The following PARD3B variants were observed in gnomAD, a reference collection of about 807,000 sequenced individuals.
PARD3B encodes the protein partitioning defective 3 homolog B.
A neutral mutation model predicts 130.2 loss-of-function variants in PARD3B; 103 were observed. The ratio of observed to expected loss-of-function variants is 0.79; its 90% confidence interval spans 0.67 to 0.93. The LOEUF (loss-of-function observed/expected upper bound fraction) is 0.93, where lower values mean the gene tolerates loss of function less well. Ranked by LOEUF, PARD3B falls within the 40% of genes least tolerant of loss-of-function variation. The pLI is 0.00. For missense variants in PARD3B, 1,609 were observed against 1,499.2 expected, an observed-to-expected ratio of 1.07 and a Z score of -1.21; for synonymous variants, 583 against 553.2, an observed-to-expected ratio of 1.05 and a Z score of -0.76.
chr2:205,132,480 C>G (rs2032092625), intron 10 of PARD3B, among the ~76,000 whole-genome samples: 1 of 152,080 alleles, frequency 6.6e-6, no homozygotes, highest in South Asian at 2.1e-4. Context: ...CACTCCTCTC[C>G]TCCCTTTTAT....
At chr2:205,382,795 T>C (rs144358716) in intron 18 of PARD3B, among the ~76,000 whole-genome samples, 6 of 152,238 alleles carry the variant, frequency 3.9e-5, no homozygotes, top group Non-Finnish European at 7.4e-5. Context: ...GCCTATCATT[T>C]ATTTTGTTGC....
rs138577813 is a variant in PARD3B, at chr2:204,817,186, G to A, written c.222+130904G>A. 4.4e-3 allele frequency among the ~76,000 whole-genome samples: 671 copies of A among 151,314 alleles called. 3 individuals carry two copies. The highest frequency in any genetic ancestry group is 7.7e-3 in the Non-Finnish European group (520 of 67,854). ...ATTCTCACATTTTTGTGAGTTCTGC[G>A]TCAGTTTTGATTGATTCCTTTATCT... is the stretch of plus-strand genomic sequence containing the variant. On this transcript the variant is annotated intron_variant, in intron 2 of 22. Transcript: ENST00000406610.
At position 205,091,639 on chromosome 2, in the gene PARD3B, A is replaced by T. The variant is rs1245502858; in HGVS notation, c.505-12787A>T. The stretch of plus-strand genomic sequence containing the variant: ...GTCAAAGATATGGGCTTGGATTAGC[A>T]GCTACATATCAGTTCTTATCTTACA... On this transcript the variant is annotated intron_variant, in intron 4 of 22. Coordinates refer to ENST00000406610, the MANE Select transcript of PARD3B (RefSeq NM_001302769.2). This position sits in a 1 kb window ranked among gnomAD's most constrained non-coding sequence, Gnocchi z 4.2. Among the ~76,000 whole-genome samples, 1 of 152,188 alleles carries T rather than the reference A, an allele frequency of 6.6e-6. No individual in the cohort carries two copies. Among genetic ancestry groups the T allele is most frequent in the African/African-American group, 2.4e-5 (1 of 41,440 alleles).
intron 2 of PARD3B, among the ~76,000 whole-genome samples, chr2:204,919,977 T>C (rs746747805): frequency 6.6e-6 from 1 of 152,164 alleles, no homozygotes; most frequent in African/African-American, 2.4e-5. Flanking sequence ...TGAATTTCTC[T>C]TGCAGAGTCT....
intron 1 of PARD3B, among the ~76,000 whole-genome samples, chr2:204,650,675 C>T (rs948846918): frequency 6.6e-6 from 1 of 152,156 alleles, no homozygotes; most frequent in African/African-American, 2.4e-5. Flanking sequence ...CATGTTCTCA[C>T]TTGTAAGTGG....
intron 4 of PARD3B, among the ~76,000 whole-genome samples, chr2:205,059,633 T>C (rs1022508359): frequency 1.3e-5 from 2 of 152,062 alleles, no homozygotes; most frequent in Admixed American, 6.6e-5. Flanking sequence ...ATGTCTCCTT[T>C]ATGAATCTAG....
Position 205,460,228 on chromosome 2 carries a change from A to G in PARD3B, c.3044+19556A>G, listed in dbSNP as rs1215945272. On this transcript the variant is annotated intron_variant, in intron 20 of 22. Transcript: ENST00000406610. This position sits in a 1 kb window ranked among gnomAD's most constrained non-coding sequence, Gnocchi z 4.9. ...TTTCAGATCATTTGAGTCTAAATGC[A>G]GCTTTGAGGATATGCAGTTCGTAAA... is the stretch of plus-strand genomic sequence containing the variant. Among the ~76,000 whole-genome samples, 1 of 152,206 alleles carries G rather than the reference A, an allele frequency of 6.6e-6. No individual in the cohort carries two copies. The highest frequency in any genetic ancestry group is 1.5e-5 in the Non-Finnish European group (1 of 68,040).
At chr2:205,239,846 C>G (rs778777393) in intron 15 of PARD3B, among the ~76,000 whole-genome samples, 1 of 152,158 alleles carries the variant, frequency 6.6e-6, no homozygotes, top group Admixed American at 6.5e-5. Flanking sequence ...GAACACAGTG[C>G]TTTTGGGAAA....
At chr2:205,104,211 G>A (rs1703030313) in intron 4 of PARD3B, among the ~76,000 whole-genome samples, 1 of 152,204 alleles carries the variant, frequency 6.6e-6, no homozygotes. Flanking sequence ...GCATTGTGTA[G>A]ATGACCCATT....
intron 15 of PARD3B, among the ~76,000 whole-genome samples, chr2:205,223,174 A>G (rs1157113781): frequency 1.3e-5 from 2 of 152,160 alleles, no homozygotes; most frequent in African/African-American, 4.8e-5. Flanking sequence ...AACAGGAATC[A>G]CTCTATGTGA....
At chr2:205,353,410 G>C (rs1022187661) in intron 18 of PARD3B, among the ~76,000 whole-genome samples, 4 of 152,092 alleles carry the variant, frequency 2.6e-5, no homozygotes, top group Non-Finnish European at 5.9e-5. Context: ...TTGCACTCCT[G>C]AGCTTAGAGA....
chr2:204,947,895 C>G (rs56371330), intron 2 of PARD3B, among the ~76,000 whole-genome samples: 39,507 of 152,004 alleles, frequency 0.26, 5,440 homozygotes, highest in African/African-American at 0.32. Flanking sequence ...GCAGAAATAT[C>G]ATAATCATAA....
chr2:205,019,464 A>G (rs1696429402), intron 3 of PARD3B, among the ~76,000 whole-genome samples: 1 of 150,708 alleles, frequency 6.6e-6, no homozygotes, highest in African/African-American at 2.4e-5. Context: ...CAGTTTTTGC[A>G]TGTACACATG....
chr2:205,553,276 C>T (rs1376693557), intron 21 of PARD3B, 48 bp from the exon 22 acceptor site: 2 of 1,546,110 alleles, frequency 1.3e-6, no homozygotes, highest in East Asian at 4.5e-5. Context: ...TTGTCAGTAA[C>T]CAAGGTGTAT....
At chr2:204,810,939 T>G (rs1239960466) in intron 2 of PARD3B, among the ~76,000 whole-genome samples, 1 of 152,106 alleles carries the variant, frequency 6.6e-6, no homozygotes, top group Non-Finnish European at 1.5e-5. Context: ...GGTCCTGGGC[T>G]TTTTTGTTGT....
At chr2:205,350,755 C>T (rs1422739433) in intron 18 of PARD3B, among the ~76,000 whole-genome samples, 2 of 152,074 alleles carry the variant, frequency 1.3e-5, no homozygotes, top group East Asian at 3.9e-4. Flanking sequence ...GGTTGTCCCC[C>T]AAAATACTTG....
At chr2:204,685,104 G>A (rs1574700378) in intron 1 of PARD3B, among the ~76,000 whole-genome samples, 1 of 152,250 alleles carries the variant, frequency 6.6e-6, no homozygotes, top group South Asian at 2.1e-4. Flanking sequence ...TAGCTTTTAT[G>A]AAATTGAAAT....
In PARD3B at chr2:204,943,198, A is replaced by G. The variant is rs236821; in HGVS notation, c.223-21954A>G. 0.32 allele frequency among the ~76,000 whole-genome samples: 49,034 copies of G among 151,620 alleles called. 9,150 individuals are homozygous for G. The highest frequency in any genetic ancestry group is 0.72 in the East Asian group (3,744 of 5,166). On this transcript the variant is annotated intron_variant, in intron 2 of 22. Coordinates refer to ENST00000406610, the MANE Select transcript of PARD3B (RefSeq NM_001302769.2). The surrounding 1 kb of genome is among the most constrained non-coding windows in gnomAD (Gnocchi z 4.2). ...TATGCATATATATATATGTGTGTGT[A>G]TATATATATAATATGTTAATTTTCA...
chr2:205,014,539 A>C (rs1372455972), intron 3 of PARD3B, among the ~76,000 whole-genome samples: 1 of 152,208 alleles, frequency 6.6e-6, no homozygotes. Flanking sequence ...GGCTTTGGCC[A>C]ATTGGTCTTC....
Sources: gnomAD v4.1 joint callset for allele counts (sites outside exome capture counted in the v4.1 genomes callset) on GRCh38, gnomAD v4.1.1 for gene constraint, Gnocchi (gnomAD v3.1) non-coding constraint, MANE v1.5 for transcripts, NCBI Gene and HGNC (gene_info 2026-07-23, HGNC 2026-07-21) for gene names.